UNC13C: variants seen among roughly 807,000 people sequenced by gnomAD.
UNC13C encodes unc-13 homolog C.
Under a neutral mutation model 245.4 loss-of-function variants are expected in UNC13C, and 174 were observed. The observed-to-expected ratio is 0.71, with a 90% CI of 0.63 to 0.80. The LOEUF is 0.80. Ranked by LOEUF, UNC13C falls within the 30% of genes least tolerant of loss-of-function variation. The probability of loss-of-function intolerance (pLI) is 0.00; values close to 1 mark genes in which losing one functional copy is unlikely to be tolerated. For synonymous variants in UNC13C, 992 were observed against 895.1 expected (o/e 1.11, Z -1.93); for missense variants, 2,829 against 2,602.9 (o/e 1.09, Z -1.89).
chr15:54,285,249 A>G (rs1367618448), intron 10 of UNC13C, among the ~76,000 whole-genome samples: 2 of 152,032 alleles, frequency 1.3e-5, no homozygotes, highest in African/African-American at 4.8e-5. Flanking sequence ...TAAAGTGTTG[A>G]GGACTCTTTT....
intron 2 of UNC13C, among the ~76,000 whole-genome samples, chr15:54,127,213 C>G (rs1247704818): frequency 6.6e-6 from 1 of 152,020 alleles, no homozygotes; most frequent in African/African-American, 2.4e-5. Flanking sequence ...GGGTATATAC[C>G]CAAAGGATTA....
At chr15:54,514,830 G>C (rs1222353854) in intron 24 of UNC13C, among the ~76,000 whole-genome samples, 1 of 152,124 alleles carries the variant, frequency 6.6e-6, no homozygotes, top group East Asian at 1.9e-4. Context: ...TGATGATCGT[G>C]GGATTATGTT....
At chr15:53,997,552 T>G (rs541227654) in intron 1 of UNC13C, among the ~76,000 whole-genome samples, 3 of 152,166 alleles carry the variant, frequency 2.0e-5, no homozygotes, top group Non-Finnish European at 4.4e-5. Context: ...AAATTAATTC[T>G]GTATGCAGAA....
intron 4 of UNC13C, among the ~76,000 whole-genome samples, chr15:54,217,273 T>G (rs1011640415): frequency 2.6e-5 from 4 of 151,888 alleles, no homozygotes; most frequent in Admixed American, 6.6e-5. Context: ...GGACTAGGAT[T>G]GTGGATAAGG....
At chr15:54,297,353 T>G (rs1171280705) in intron 11 of UNC13C, among the ~76,000 whole-genome samples, 1 of 152,038 alleles carries the variant, frequency 6.6e-6, no homozygotes, top group Non-Finnish European at 1.5e-5. Flanking sequence ...ATAGTTACTT[T>G]TTTTGCATTT....
chr15:54,443,403 A>G (rs1890639560), intron 19 of UNC13C, among the ~76,000 whole-genome samples: 1 of 151,708 alleles, frequency 6.6e-6, no homozygotes, highest in African/African-American at 2.4e-5. Context: ...TCTTTTGTTT[A>G]GATTTAGTCT....
intron 19 of UNC13C, among the ~76,000 whole-genome samples, chr15:54,432,080 C>G (rs2140976339): frequency 6.6e-6 from 1 of 151,350 alleles, no homozygotes; most frequent in East Asian, 2.0e-4. Context: ...TTCTAACAAC[C>G]ACAAAAATGT....
At chr15:54,432,667 C>T (rs1294966727) in intron 19 of UNC13C, among the ~76,000 whole-genome samples, 1 of 151,656 alleles carries the variant, frequency 6.6e-6, no homozygotes, top group Non-Finnish European at 1.5e-5. Flanking sequence ...AAATCGACAC[C>T]CTAACATCAC....
At chr15:54,171,336 AT>A (rs1209358739) in intron 4 of UNC13C, among the ~76,000 whole-genome samples, 2 of 152,110 alleles carry the variant, frequency 1.3e-5, no homozygotes, top group Non-Finnish European at 2.9e-5. Flanking sequence ...GGGAGAAAAT[AT>A]TTGCAAACTA....
chr15:54,225,084 C>CAATAA (rs58679259), intron 4 of UNC13C, among the ~76,000 whole-genome samples: 117,047 of 145,852 alleles, frequency 0.8, 47,750 homozygotes, highest in African/African-American at 0.95. Context: ...TTTATCTTTT[C>CAATAA]AATAGCTTTT....
chr15:54,029,531 A>C (rs12917513), intron 2 of UNC13C, among the ~76,000 whole-genome samples: 84 of 152,180 alleles, frequency 5.5e-4, no homozygotes, highest in Admixed American at 1.0e-3. Flanking sequence ...GAATGTATAC[A>C]GTGAATGACA....
the UNC13C span, among the ~76,000 whole-genome samples, chr15:53,856,991 G>A: frequency 6.6e-6 from 1 of 152,108 alleles, no homozygotes; most frequent in Admixed American, 6.6e-5. Context: ...ATTTAGAATA[G>A]TTAGTTCTTC....
At chr15:54,174,389 C>T (rs923096613) in intron 4 of UNC13C, among the ~76,000 whole-genome samples, 1 of 152,054 alleles carries the variant, frequency 6.6e-6, no homozygotes, top group African/African-American at 2.4e-5. Context: ...GGCTTATTTG[C>T]GTGATCAACT....
chr15:54,431,592 C>T (rs185389385), intron 19 of UNC13C, among the ~76,000 whole-genome samples: 146 of 151,692 alleles, frequency 9.6e-4, no homozygotes, highest in African/African-American at 2.8e-3. Context: ...AGTTAATATG[C>T]GCTGCAGTCT....
chr15:54,473,383 T>C (rs2141046597), intron 19 of UNC13C, among the ~76,000 whole-genome samples: 1 of 152,018 alleles, frequency 6.6e-6, no homozygotes, highest in South Asian at 2.1e-4. Flanking sequence ...TTTAGTTAGT[T>C]TGAAATATAC....
the UNC13C span, among the ~76,000 whole-genome samples, chr15:53,932,775 A>G: frequency 6.6e-6 from 1 of 152,182 alleles, no homozygotes; most frequent in South Asian, 2.1e-4. Context: ...TTTTGATTCT[A>G]AGCCCTTAAG....
At chr15:54,356,314 C>T (rs760220607) in intron 17 of UNC13C, among the ~76,000 whole-genome samples, 2 of 151,896 alleles carry the variant, frequency 1.3e-5, no homozygotes, top group Non-Finnish European at 2.9e-5. Flanking sequence ...AATTAACCTC[C>T]AAAGGGGTTT....
chr15:54,532,794 C>T (rs111257417), intron 25 of UNC13C, 123 bp from the exon 26 acceptor site: 32 of 645,296 alleles, frequency 5.0e-5, no homozygotes, highest in African/African-American at 1.7e-4. Context: ...ACATTGAATT[C>T]GAAAACTCAT....
intron 2 of UNC13C, among the ~76,000 whole-genome samples, chr15:54,052,767 T>C (rs1456345293): frequency 6.6e-6 from 1 of 152,202 alleles, no homozygotes; most frequent in Admixed American, 6.5e-5. Context: ...ATGTATTTAT[T>C]TAGTTAGTTA....
Sources: allele counts gnomAD v4.1 joint callset (sites outside exome capture counted in the v4.1 genomes callset), GRCh38; gene constraint gnomAD v4.1.1; transcripts MANE v1.5; gene names NCBI Gene and HGNC (gene_info 2026-07-23, HGNC 2026-07-21).